DSCAM: variants seen among roughly 807,000 people sequenced by gnomAD.
DSCAM encodes DS cell adhesion molecule, also known as cell adhesion molecule DSCAM.
Under a neutral mutation model 217.7 loss-of-function variants are expected in DSCAM, and 47 were observed. The observed-to-expected ratio is 0.22, with a 90% CI of 0.17 to 0.28. The LOEUF (loss-of-function observed/expected upper bound fraction) is 0.28. Among genes scored for constraint, DSCAM ranks in the 10% least tolerant of loss-of-function variants. DSCAM has a pLI of 1.00. For synonymous variants in DSCAM, 1,056 were observed against 1,015.3 expected (o/e 1.04, Z -0.76); for missense variants, 2,080 against 2,618.3 (o/e 0.79, Z 4.49).
At chr21:40,712,626 C>T (rs1370008569) in intron 1 of DSCAM, among the ~76,000 whole-genome samples, 4 of 152,154 alleles carry the variant, frequency 2.6e-5, no homozygotes, top group African/African-American at 4.8e-5. Context: ...TTGGTGCATT[C>T]ACTGTCCCCA....
At chr21:40,522,980 C>T (rs1568875743) in intron 3 of DSCAM, among the ~76,000 whole-genome samples, 1 of 152,256 alleles carries the variant, frequency 6.6e-6, no homozygotes, top group East Asian at 1.9e-4. Flanking sequence ...ACACATAGTG[C>T]AAAGAGCTCT....
intron 32 of DSCAM, among the ~76,000 whole-genome samples, chr21:40,038,171 T>C (rs1372554906): frequency 4.7e-5 from 7 of 148,692 alleles, no homozygotes; most frequent in Middle Eastern, 3.5e-3. Context: ...ACAAATGGGA[T>C]CTAATTAAAC....
At chr21:40,230,505 A>C (rs934267332) in intron 11 of DSCAM, among the ~76,000 whole-genome samples, 3 of 151,856 alleles carry the variant, frequency 2.0e-5, no homozygotes, top group Non-Finnish European at 4.4e-5. Context: ...CCCCTCTTTT[A>C]TTTCTTTCTC....
intron 3 of DSCAM, among the ~76,000 whole-genome samples, chr21:40,451,688 G>A (rs1181480098): frequency 1.3e-5 from 2 of 152,182 alleles, no homozygotes; most frequent in Non-Finnish European, 2.9e-5. Flanking sequence ...GCCTAGAAGT[G>A]TACAAATAAA....
At chr21:40,425,185 T>C (rs927214454) in intron 3 of DSCAM, among the ~76,000 whole-genome samples, 6 of 152,086 alleles carry the variant, frequency 3.9e-5, no homozygotes, top group South Asian at 2.1e-4. Context: ...TTGGGTTACA[T>C]AAAGGAATGC....
intron 22 of DSCAM, among the ~76,000 whole-genome samples, chr21:40,086,393 C>G (rs1048425758): frequency 4.6e-5 from 7 of 152,170 alleles, no homozygotes; most frequent in African/African-American, 1.7e-4. Context: ...TTTGGATGAA[C>G]CAACTTTAAA....
At chr21:40,364,228 C>A (rs566182887) in intron 4 of DSCAM, among the ~76,000 whole-genome samples, 1 of 152,086 alleles carries the variant, frequency 6.6e-6, no homozygotes, top group African/African-American at 2.4e-5. Flanking sequence ...CACATGCACA[C>A]GTATGTTTAT....
chr21:40,189,329 A>G, intron 11 of DSCAM, 91 bp from the exon 12 acceptor site: 4 of 1,015,710 alleles, frequency 3.9e-6, no homozygotes, highest in Non-Finnish European at 2.7e-6. Context: ...GCTTCAAGAG[A>G]TATTTCTTCA....
intron 3 of DSCAM, among the ~76,000 whole-genome samples, chr21:40,588,223 T>C (rs467253): frequency 0.8 from 121,761 of 152,084 alleles, 48,917 homozygotes; most frequent in East Asian, 0.95. Context: ...ACAATTGCAT[T>C]ACCTACCCCT....
intron 3 of DSCAM, among the ~76,000 whole-genome samples, chr21:40,518,942 A>G (rs1477457482): frequency 1.3e-5 from 2 of 152,090 alleles, no homozygotes; most frequent in Non-Finnish European, 2.9e-5. Flanking sequence ...CTACTAACCC[A>G]TACAGCATGT....
intron 4 of DSCAM, among the ~76,000 whole-genome samples, chr21:40,358,795 C>T (rs1362039779): frequency 6.9e-6 from 1 of 144,364 alleles, no homozygotes; most frequent in Non-Finnish European, 1.5e-5. Flanking sequence ...AAGCAAGACT[C>T]CATCTCGAAA....
Position 40,369,317 on chromosome 21 carries a change from A to T in DSCAM, c.509-72T>A, listed in dbSNP as rs75011333. 3.1e-3 allele frequency: 4,673 copies of T among 1,495,966 alleles called. 109 individuals are homozygous for T. The African/African-American group carries it at 0.056, about 18-fold the overall frequency. 92.7% of individuals were successfully genotyped at this position (1,495,966 alleles called of 1,614,324 possible). Reference sequence around the variant, plus strand: ...ACCCAACCACACAGACAAAGTCCTTAAACAGTTTTTTTTTTCCCCCACCTG... The same window carrying T: ...ACCCAACCACACAGACAAAGTCCTTTAACAGTTTTTTTTTTCCCCCACCTG... On this transcript the variant is annotated intron_variant, in intron 3 of 32. Coordinates refer to ENST00000400454, the MANE Select transcript of DSCAM (RefSeq NM_001389.5).
chr21:40,159,099 T>C (rs1775926670), intron 16 of DSCAM, among the ~76,000 whole-genome samples: 1 of 152,246 alleles, frequency 6.6e-6, no homozygotes, highest in Non-Finnish European at 1.5e-5. Context: ...CTTCCTGTGA[T>C]GGACCCTAAC....
intron 1 of DSCAM, among the ~76,000 whole-genome samples, chr21:40,797,374 G>A (rs1322126936): frequency 6.6e-6 from 1 of 152,178 alleles, no homozygotes; most frequent in African/African-American, 2.4e-5. Context: ...CCCAGTAGCA[G>A]TGAACCAGAA....
At chr21:40,224,549 G>C (rs2091314952) in intron 11 of DSCAM, among the ~76,000 whole-genome samples, 1 of 152,100 alleles carries the variant, frequency 6.6e-6, no homozygotes, top group Admixed American at 6.6e-5. Flanking sequence ...AGACTGCTTG[G>C]GAAATGCAGC....
At chr21:40,588,183 G>C (rs1407714814) in intron 3 of DSCAM, among the ~76,000 whole-genome samples, 1 of 152,032 alleles carries the variant, frequency 6.6e-6, no homozygotes, top group Non-Finnish European at 1.5e-5. Flanking sequence ...GAAGAGGCAG[G>C]ATCTACCTGA....
chr21:40,076,884 G>A (rs781248978), intron 26 of DSCAM, among the ~76,000 whole-genome samples: 1 of 152,216 alleles, frequency 6.6e-6, no homozygotes, highest in Non-Finnish European at 1.5e-5. Flanking sequence ...ATGTGTGCTG[G>A]TTAACAGAGG....
intron 3 of DSCAM, among the ~76,000 whole-genome samples, chr21:40,516,456 G>A (rs1006829745): frequency 6.7e-6 from 1 of 150,336 alleles, no homozygotes; most frequent in African/African-American, 2.4e-5. Flanking sequence ...CAGGAAGACA[G>A]GAACAGAGTT....
intron 3 of DSCAM, among the ~76,000 whole-genome samples, chr21:40,488,088 A>G (rs1019509140): frequency 3.3e-5 from 5 of 152,222 alleles, no homozygotes; most frequent in African/African-American, 1.2e-4. Flanking sequence ...GTCAGGGACC[A>G]CATTTTGAAT....
Sources: gnomAD v4.1 joint callset for allele counts (sites outside exome capture counted in the v4.1 genomes callset) on GRCh38, gnomAD v4.1.1 for gene constraint, MANE v1.5 for transcripts, NCBI Gene and HGNC (gene_info 2026-07-23, HGNC 2026-07-21) for gene names.